The following CHD7 variants were observed in gnomAD, a reference collection of about 807,000 sequenced individuals.
CHD7 encodes the protein chromodomain helicase DNA binding protein 7.
CHD7 carries 24 observed loss-of-function variants against 307.3 expected under a neutral mutation model. The observed-to-expected ratio is 0.08, with a 90% CI of 0.06 to 0.11. The LOEUF is 0.11. Among genes scored for constraint, CHD7 ranks in the 10% least tolerant of loss-of-function variants. The pLI is 1.00. For synonymous variants in CHD7, 1,363 were observed against 1,349.9 expected, an observed-to-expected ratio of 1.01 and a Z score of -0.21; for missense variants, 3,106 against 3,727.1, an observed-to-expected ratio of 0.83 and a Z score of 4.34.
chr8:60,819,251 C>G (rs957537317), intron 8 of CHD7, among the ~76,000 whole-genome samples: 1 of 152,160 alleles, frequency 6.6e-6, no homozygotes, highest in East Asian at 1.9e-4. Context: ...CTGTGCCCAG[C>G]CTATAACTTT....
chr8:60,724,556 A>C (rs973686095), intron 1 of CHD7, among the ~76,000 whole-genome samples: 1 of 152,192 alleles, frequency 6.6e-6, no homozygotes, highest in Admixed American at 6.5e-5. Context: ...GAGGAAGCTG[A>C]AGTTTAGAGA....
intron 1 of CHD7, among the ~76,000 whole-genome samples, chr8:60,702,795 G>A (rs1430167119): frequency 6.6e-6 from 1 of 152,200 alleles, no homozygotes; most frequent in Non-Finnish European, 1.5e-5. Context: ...ATACTTTTGT[G>A]GGTTGGCAGT....
intron 34 of CHD7, 65 bp downstream of exon 34, chr8:60,856,953 C>G (rs1281546868): frequency 1.4e-6 from 2 of 1,399,238 alleles, no homozygotes; most frequent in Non-Finnish European, 1.9e-6. Flanking sequence ...CTGTGATGCT[C>G]ACGATGCTGG....
chr8:60,855,907 A>T (rs1805677047), intron 32 of CHD7, 68 bp from the exon 33 acceptor site: 2 of 997,902 alleles, frequency 2.0e-6, no homozygotes, highest in Non-Finnish European at 3.1e-6. Context: ...ATCTTGATGG[A>T]TGTATTTATC....
At position 60,810,190 on chromosome 8, in the gene CHD7, A is replaced by G. The variant is rs181213469; in HGVS notation, c.2498+1918A>G. 6.4e-3 allele frequency among the ~76,000 whole-genome samples: 969 copies of G among 151,996 alleles called. 13 individuals are homozygous for G. The highest frequency in any genetic ancestry group is 0.029 in the South Asian group (139 of 4,812). Reference sequence around the variant, plus strand: ...TTTTCTTGCTTTCTGGCACCAGAGGATGTTCCAGGCTCATCTCGTAACTTC... The same window carrying G: ...TTTTCTTGCTTTCTGGCACCAGAGGGTGTTCCAGGCTCATCTCGTAACTTC... On this transcript the variant is annotated intron_variant, in intron 7 of 37. Transcript: ENST00000423902.
chr8:60,717,290 T>C (rs1035763772), intron 1 of CHD7, among the ~76,000 whole-genome samples: 4 of 152,248 alleles, frequency 2.6e-5, no homozygotes, highest in African/African-American at 9.6e-5. Context: ...CATTTAGTTA[T>C]ACTTGTTGGC....
chr8:60,741,011 T>C (rs932536602), intron 1 of CHD7, among the ~76,000 whole-genome samples: 1 of 152,250 alleles, frequency 6.6e-6, no homozygotes, highest in African/African-American at 2.4e-5. Context: ...AGTGAATGGA[T>C]TAATTTAAGG....
intron 4 of CHD7, among the ~76,000 whole-genome samples, chr8:60,796,495 T>C (rs1157996295): frequency 6.6e-6 from 1 of 152,230 alleles, no homozygotes; most frequent in Non-Finnish European, 1.5e-5. Flanking sequence ...ATTAAGAATT[T>C]GTTTGCATCA....
chr8:60,727,835 C>T (rs1808250640), intron 1 of CHD7, among the ~76,000 whole-genome samples: 1 of 152,170 alleles, frequency 6.6e-6, no homozygotes, highest in African/African-American at 2.4e-5. Context: ...TTCTACACCT[C>T]TCTTCCATAC....
chr8:60,866,220 C>G lies in CHD7; in HGVS notation c.*287C>G, dbSNP rs1247368719. ...TCTGCTTTTTTTTTTTCTCTTGGTA[C>G]CATTGGTATTATAATAAAGAGCAAT... is the stretch of plus-strand genomic sequence containing the variant. On this transcript the variant is annotated 3_prime_UTR_variant, in exon 38 of 38. Coordinates refer to ENST00000423902, the MANE Select transcript of CHD7 (RefSeq NM_017780.4). 2 of 247,370 alleles carry G rather than the reference C, an allele frequency of 8.1e-6. No individual in the cohort carries two copies. Among genetic ancestry groups the G allele is most frequent in the Non-Finnish European group, 1.5e-5 (2 of 129,250 alleles). The allele number at this position is 247,370 out of a possible 1,614,324, so 15.3% of individuals were successfully genotyped here. A position where few individuals can be genotyped will look rare whatever the true frequency, so the allele number is the denominator to read the frequency against.
intron 2 of CHD7, among the ~76,000 whole-genome samples, chr8:60,756,351 A>G (rs1809891473): frequency 6.6e-6 from 1 of 152,240 alleles, no homozygotes; most frequent in Admixed American, 6.5e-5. Flanking sequence ...TAATGCTGAC[A>G]TAAGTCACTT....
At chr8:60,758,054 G>A (rs780020636) in intron 2 of CHD7, among the ~76,000 whole-genome samples, 1 of 152,022 alleles carries the variant, frequency 6.6e-6, no homozygotes, top group Non-Finnish European at 1.5e-5. Flanking sequence ...ATGAAAACTA[G>A]GAAATTTAAA....
rs2875976 is a variant in CHD7 at position 60,679,417 on chromosome 8, C to T, written c.-175+335C>T. The T allele has an allele frequency of 6.4e-5, 6 of 93,164 alleles. No individual in the cohort carries two copies. In the Admixed American group the frequency reaches 7.1e-4, roughly 11 times the overall value. 5.8% of individuals were successfully genotyped at this position (93,164 alleles called of 1,614,324 possible). A position where few individuals can be genotyped will look rare whatever the true frequency, so the allele number is the denominator to read the frequency against. ...GGGTCACTTCCTCGCATGTAAATGG[C>T]TTTTTGTTGTGCTGCCGGCGTGGGG... On this transcript the variant is annotated intron_variant, in intron 1 of 37. Transcript: ENST00000423902.
chr8:60,765,236 C>T (rs1018791645), intron 2 of CHD7, among the ~76,000 whole-genome samples: 8 of 150,882 alleles, frequency 5.3e-5, no homozygotes, highest in African/African-American at 1.7e-4. Flanking sequence ...CACACGCACA[C>T]GCATGCATGC....
At chr8:60,695,148 T>C (rs1164543976) in intron 1 of CHD7, among the ~76,000 whole-genome samples, 1 of 152,098 alleles carries the variant, frequency 6.6e-6, no homozygotes, top group Admixed American at 6.5e-5. Context: ...AAGGTTGACA[T>C]TTGGAACTTA....
In CHD7 at chr8:60,838,196, C is replaced by T. The variant is rs760246947; in HGVS notation, c.4474C>T (p.Leu1492=). Residue 1492 remains leucine, a synonymous_variant, in exon 19 of 38, where the codon CTA becomes TTA. Coordinates refer to ENST00000423902, the MANE Select transcript of CHD7 (RefSeq NM_017780.4). ...FCEEDIDQIL[L]RRTHTITIES... ...TGAAGAAGATATTGATCAGATCCTC[C>T]TACGTCGAACCCACACCATTACCAT... 1.9e-6 allele frequency: 3 copies of T among 1,600,954 alleles called. No individual in the cohort carries two copies. The highest frequency in any genetic ancestry group is 2.6e-6 in the Non-Finnish European group (3 of 1,173,594).
chr8:60,733,672 T>C (rs1038460267), intron 1 of CHD7, among the ~76,000 whole-genome samples: 1 of 152,236 alleles, frequency 6.6e-6, no homozygotes, highest in Non-Finnish European at 1.5e-5. Flanking sequence ...AAAAAGCTAG[T>C]GCTGTGGGCA....
chr8:60,715,465 A>G (rs1586204470), intron 1 of CHD7, among the ~76,000 whole-genome samples: 1 of 151,886 alleles, frequency 6.6e-6, no homozygotes, highest in Admixed American at 6.6e-5. Flanking sequence ...GATTACAGGC[A>G]CCTGCCACCA....
intron 13 of CHD7, among the ~76,000 whole-genome samples, chr8:60,827,247 A>T (rs1015161716): frequency 7.1e-6 from 1 of 141,556 alleles, no homozygotes; most frequent in African/African-American, 3.0e-5. Context: ...TTAAAGTATA[A>T]TAAAAAAAAA....
Sources: gnomAD v4.1 joint callset for allele counts (sites outside exome capture counted in the v4.1 genomes callset) on GRCh38, gnomAD v4.1.1 for gene constraint, MANE v1.5 for transcripts, NCBI Gene and HGNC (gene_info 2026-07-23, HGNC 2026-07-21) for gene names.